The following LOC128092252 variants were observed in gnomAD, a reference collection of about 807,000 sequenced individuals.
At chr15:50,666,402 C>A in the LOC128092252 span, among the ~76,000 whole-genome samples, 1 of 151,716 alleles carries the variant, frequency 6.6e-6, no homozygotes, top group Non-Finnish European at 1.5e-5. Context: ...GATCATGCCA[C>A]CGTACTCCAG....
At chr15:50,685,491 T>C in the LOC128092252 span, among the ~76,000 whole-genome samples, 17 of 152,132 alleles carry the variant, frequency 1.1e-4, no homozygotes, top group Non-Finnish European at 4.4e-5. Flanking sequence ...AGGTGGAAAA[T>C]AGTGAAAGAC....
chr15:50,649,517 C>G, the LOC128092252 span, among the ~76,000 whole-genome samples: 4 of 151,352 alleles, frequency 2.6e-5, no homozygotes, highest in African/African-American at 9.7e-5. Flanking sequence ...AATAATACTA[C>G]AGAATGGATA....
chr15:50,679,617 C>A, the LOC128092252 span, among the ~76,000 whole-genome samples: 10 of 146,226 alleles, frequency 6.8e-5, no homozygotes, highest in African/African-American at 2.6e-4. Context: ...GTCACTGCAA[C>A]CTCCATCTCC....
chr15:50,660,086 A>G, the LOC128092252 span, among the ~76,000 whole-genome samples: 6 of 152,258 alleles, frequency 3.9e-5, no homozygotes, highest in Non-Finnish European at 8.8e-5. Flanking sequence ...CTTTATGAAT[A>G]GCCATGTGAC....
chr15:50,668,902 G>A, the LOC128092252 span, among the ~76,000 whole-genome samples: 1 of 152,212 alleles, frequency 6.6e-6, no homozygotes, highest in South Asian at 2.1e-4. Flanking sequence ...GGCTTTGACT[G>A]GAATGATGTG....
the LOC128092252 span, among the ~76,000 whole-genome samples, chr15:50,655,192 T>C: frequency 6.6e-6 from 1 of 151,186 alleles, no homozygotes; most frequent in Non-Finnish European, 1.5e-5. Context: ...TCCCAGCACT[T>C]TGGGTGGCCA....
chr15:50,674,877 T>C, the LOC128092252 span, among the ~76,000 whole-genome samples: 6 of 152,298 alleles, frequency 3.9e-5, no homozygotes, highest in African/African-American at 1.2e-4. Flanking sequence ...CATCCCATAG[T>C]TTTGGGTTTT....
At chr15:50,655,287 G>A in the LOC128092252 span, among the ~76,000 whole-genome samples, 1 of 151,544 alleles carries the variant, frequency 6.6e-6, no homozygotes, top group Non-Finnish European at 1.5e-5. Context: ...TACAAAATGA[G>A]CCAGGCATGG....
At chr15:50,672,898 CAAAAAAAAAAA>C in the LOC128092252 span, among the ~76,000 whole-genome samples, 119 of 26,222 alleles carry the variant, frequency 4.5e-3, no homozygotes, top group African/African-American at 0.014. Context: ...GACTCTGTCT[CAAAAAAAAAAA>C]AAAAAAAAAA....
At chr15:50,683,475 C>T in the LOC128092252 span, among the ~76,000 whole-genome samples, 1 of 151,916 alleles carries the variant, frequency 6.6e-6, no homozygotes, top group South Asian at 2.1e-4. Context: ...TGGCTCACGC[C>T]TGTAATCCCA....
At chr15:50,677,738 CA>C in the LOC128092252 span, among the ~76,000 whole-genome samples, 234 of 38,162 alleles carry the variant, frequency 6.1e-3, no homozygotes, top group African/African-American at 0.018. Context: ...GACCCCGTAT[CA>C]AAAAAAAAAA....
chr15:50,661,883 T>C, the LOC128092252 span, among the ~76,000 whole-genome samples: 1 of 152,200 alleles, frequency 6.6e-6, no homozygotes, highest in Admixed American at 6.6e-5. Context: ...TAACTATATC[T>C]TAGATTTCCT....
At chr15:50,677,594 C>T in the LOC128092252 span, among the ~76,000 whole-genome samples, 1 of 151,766 alleles carries the variant, frequency 6.6e-6, no homozygotes, top group East Asian at 1.9e-4. Flanking sequence ...CAAAAATTAG[C>T]CGGGTGTGGT....
the LOC128092252 span, among the ~76,000 whole-genome samples, chr15:50,683,528 A>G: frequency 6.6e-6 from 1 of 151,960 alleles, no homozygotes; most frequent in Non-Finnish European, 1.5e-5. Context: ...TGGGGTCAGG[A>G]GTTTGAGACC....
chr15:50,674,097 T>C, the LOC128092252 span, among the ~76,000 whole-genome samples: 1 of 152,212 alleles, frequency 6.6e-6, no homozygotes, highest in African/African-American at 2.4e-5. Context: ...CAAGCGATTC[T>C]CCTGTCTCAG....
the LOC128092252 span, among the ~76,000 whole-genome samples, chr15:50,679,502 T>TACAC: frequency 2.4e-5 from 2 of 84,784 alleles, no homozygotes; most frequent in African/African-American, 9.4e-5. Flanking sequence ...TATATATGTG[T>TACAC]ATATATATAA....
chr15:50,676,325 C>T, the LOC128092252 span, among the ~76,000 whole-genome samples: 1 of 152,108 alleles, frequency 6.6e-6, no homozygotes, highest in Admixed American at 6.5e-5. Context: ...CAAATACATT[C>T]TATGATTATA....
chr15:50,668,306 T>C, the LOC128092252 span, among the ~76,000 whole-genome samples: 2 of 152,226 alleles, frequency 1.3e-5, no homozygotes, highest in African/African-American at 2.4e-5. Flanking sequence ...GTAAGACTCA[T>C]CTTTTTTACT....
chr15:50,678,884 A>T, the LOC128092252 span, among the ~76,000 whole-genome samples: 360 of 113,544 alleles, frequency 3.2e-3, 1 homozygote, highest in African/African-American at 0.01. Context: ...AAAAAAAAAA[A>T]TTTTTTTGAG....
Sources: gnomAD v4.1 joint callset for allele counts (sites outside exome capture counted in the v4.1 genomes callset) on GRCh38, gnomAD v4.1.1 for gene constraint, MANE v1.5 for transcripts.